Variants in HTATSF1 observed in about 807,000 individuals in gnomAD.
The protein encoded by HTATSF1 is 17S U2 SnRNP complex component HTATSF1.
In HTATSF1, 6 loss-of-function variants were observed where a neutral mutation model predicts 46.1. The observed-to-expected ratio is 0.13, with a 90% CI of 0.07 to 0.26. The LOEUF is 0.26. Ranked by LOEUF, HTATSF1 falls within the 10% of genes least tolerant of loss-of-function variation. The probability of loss-of-function intolerance (pLI) is 1.00; values close to 1 mark genes in which losing one functional copy is unlikely to be tolerated. For synonymous variants in HTATSF1, 226 were observed against 211.5 expected, an observed-to-expected ratio of 1.07 and a Z score of -0.60; for missense variants, 452 against 559.9, an observed-to-expected ratio of 0.81 and a Z score of 1.94.
chrX:136,504,215 A>G (rs1402638819), intron 5 of HTATSF1, 149 bp from the exon 6 acceptor site: 3 of 422,381 alleles, frequency 7.1e-6, no homozygotes, highest in Admixed American at 4.9e-5. Context: ...GACTGGAACT[A>G]TGACTGAAAT....
intron 1 of HTATSF1, among the ~76,000 whole-genome samples, 155 bp from the exon 2 acceptor site, chrX:136,499,443 T>G: frequency 8.9e-6 from 1 of 112,848 alleles, no homozygotes; most frequent in East Asian, 2.8e-4. Context: ...AAGGTGACTA[T>G]TCTTGCATTT....
chrX:136,504,579 G>A (rs1270468609), intron 6 of HTATSF1, 116 bp downstream of exon 6: 1 of 481,977 alleles, frequency 2.1e-6, no homozygotes, highest in East Asian at 3.8e-5. Flanking sequence ...TTTGTGCAGC[G>A]AGTAGTAAAG....
chrX:136,506,758 T>G (rs186589458), intron 6 of HTATSF1, among the ~76,000 whole-genome samples: 35 of 112,323 alleles, frequency 3.1e-4, no homozygotes, highest in Non-Finnish European at 4.3e-4. Context: ...CCTCACATGG[T>G]CCAACTAGCT....
intron 6 of HTATSF1, among the ~76,000 whole-genome samples, chrX:136,505,512 T>C (rs918509089): frequency 1.8e-5 from 2 of 112,651 alleles, no homozygotes; most frequent in East Asian, 5.5e-4. Flanking sequence ...TTTTGAAATA[T>C]AACAGTTTAC....
intron 6 of HTATSF1, among the ~76,000 whole-genome samples, chrX:136,508,251 A>G (rs950902186): frequency 8.9e-5 from 10 of 112,510 alleles, no homozygotes; most frequent in South Asian, 7.3e-4. Flanking sequence ...GTCACCTTCA[A>G]TAGAAATTTG....
intron 1 of HTATSF1, 55 bp from the exon 2 acceptor site, chrX:136,499,543 T>C: frequency 2.2e-6 from 2 of 924,137 alleles, no homozygotes; most frequent in Non-Finnish European, 2.9e-6. Context: ...AAACTTCTTA[T>C]GAGTGGAAAT....
chrX:136,504,522 G>A (rs921992854), intron 6 of HTATSF1, 59 bp downstream of exon 6: 2 of 912,196 alleles, frequency 2.2e-6, no homozygotes, highest in Admixed American at 4.9e-5. Context: ...TCTCAAGGGA[G>A]CCTGGAGCTT....
chrX:136,511,396 G>T lies in HTATSF1; in HGVS notation c.1651G>T (p.Asp551Tyr). 1 of 1,211,119 alleles carries T rather than the reference G, an allele frequency of 8.3e-7. No homozygotes were observed. The highest frequency in any genetic ancestry group is 1.1e-6 in the Non-Finnish European group (1 of 895,339). Residue 551 changes from aspartate to tyrosine, a missense_variant, in exon 9 of 9, where the codon GAC becomes TAC. Coordinates refer to ENST00000218364, the MANE Select transcript of HTATSF1 (RefSeq NM_014500.5). ...EDDSEKESDEDCSEKQSEDGS... is the reference protein window; with the variant it reads ...EDDSEKESDEYCSEKQSEDGS... ...TGACTCAGAGAAAGAGTCTGATGAAGACTGCTCTGAAAAACAGTCTGAAGA... is the reference window on the plus strand; with the variant it reads ...TGACTCAGAGAAAGAGTCTGATGAATACTGCTCTGAAAAACAGTCTGAAGA...
At chrX:136,509,962 A>G (rs781112627) in intron 7 of HTATSF1, 120 bp from the exon 8 acceptor site, 2 of 609,264 alleles carry the variant, frequency 3.3e-6, no homozygotes, top group African/African-American at 4.6e-5. Context: ...GACTTCATAC[A>G]TAAAGTCTTT....
intron 6 of HTATSF1, 51 bp downstream of exon 6, chrX:136,504,514 T>C (rs751590868): frequency 1.0e-6 from 1 of 980,126 alleles, no homozygotes; most frequent in South Asian, 2.1e-5. Flanking sequence ...TTTTTTTCTC[T>C]CAAGGGAGCC....
At chrX:136,497,525 G>A, upstream of HTATSF1, 1 of 337,053 alleles carries the variant, frequency 3.0e-6, no homozygotes, top group Middle Eastern at 9.0e-4. Flanking sequence ...CCGCCGAGCG[G>A]CCGCGATTTC....
In HTATSF1 at chrX:136,499,612, C is replaced by T. The variant is rs201715764; in HGVS notation, c.201C>T (p.Phe67=). ...KAWFPKITED[F]IATYQANYGF... ...TGCTTGTGTAGATTACTGAAGATTT[C>T]ATTGCTACATATCAGGCCAATTATG... The change falls in exon 2 of 9, where the codon TTC becomes TTT. Residue 67 remains phenylalanine (F), a synonymous_variant. Transcript: ENST00000218364. 323 of 1,171,036 alleles carry T rather than the reference C, an allele frequency of 2.8e-4. 4 individuals carry two copies. The South Asian group carries it at 6.2e-3, about 22-fold the overall frequency.
chrX:136,510,535 TGTAAA>T (rs1289363002), intron 8 of HTATSF1, among the ~76,000 whole-genome samples: 2 of 112,393 alleles, frequency 1.8e-5, no homozygotes, highest in African/African-American at 6.5e-5. Context: ...CTTTGTATGC[TGTAAA>T]GTATAGACAG....
Position 136,511,254 on chromosome X carries a change from T to C in HTATSF1, c.1509T>C (p.Ser503=). 1.7e-6 allele frequency: 2 copies of C among 1,208,846 alleles called. No individual in the cohort carries two copies. The highest frequency in any genetic ancestry group is 2.2e-6 in the Non-Finnish European group (2 of 894,743). The change falls in exon 9 of 9, where the codon TCT becomes TCC. Residue 503 remains serine (S), a synonymous_variant. Transcript: ENST00000218364. ...GSEEDSPKKE[S]KKKTLKNDCE... ...AAGAGGATAGTCCTAAAAAAGAGTC[T>C]AAAAAGAAGACACTCAAAAATGATT...
intron 7 of HTATSF1, 57 bp downstream of exon 7, chrX:136,509,237 G>A (rs1177791445): frequency 2.6e-5 from 22 of 836,025 alleles, no homozygotes; most frequent in Non-Finnish European, 3.8e-5. Context: ...CACCTTATAA[G>A]TTCTTCTCAG....
chrX:136,510,226 T>C lies in HTATSF1; in HGVS notation c.1062+7T>C. Reference sequence around the variant, plus strand: ...TGGGACTACAGATTATCAGGTAAATTTTGCTGCTTGTCAAGGGCACACACA... The same window carrying C: ...TGGGACTACAGATTATCAGGTAAATCTTGCTGCTTGTCAAGGGCACACACA... On this transcript the variant is annotated splice_region_variant and intron_variant, in intron 8 of 8. Transcript: ENST00000218364. The C allele has an allele frequency of 8.3e-7, 1 of 1,207,107 alleles. No individual in the cohort carries two copies.
chrX:136,500,574 C>T, intron 3 of HTATSF1, 90 bp from the exon 4 acceptor site: 1 of 594,979 alleles, frequency 1.7e-6, no homozygotes. Context: ...ATTGCATTCA[C>T]CTAAGTTATA....
At chrX:136,497,903 G>A (rs1410791356) in intron 1 of HTATSF1, 33 bp downstream of exon 1, 3 of 1,076,751 alleles carry the variant, frequency 2.8e-6, no homozygotes, top group South Asian at 4.7e-5. Context: ...ACTGCAGAGC[G>A]GGCCGCCTGG....
chrX:136,500,893 T>C, intron 4 of HTATSF1, 75 bp downstream of exon 4: 1 of 733,102 alleles, frequency 1.4e-6, no homozygotes, highest in Non-Finnish European at 1.9e-6. Flanking sequence ...TTTCTATAGA[T>C]GATAACCAAC....
Sources: allele counts gnomAD v4.1 joint callset (sites outside exome capture counted in the v4.1 genomes callset), GRCh38; gene constraint gnomAD v4.1.1; transcripts MANE v1.5; gene names NCBI Gene and HGNC (gene_info 2026-07-23, HGNC 2026-07-21).